The following CDON variants were observed in gnomAD, a reference collection of about 807,000 sequenced individuals.
CDON encodes cell adhesion associated, oncogene regulated.
In CDON, 73 loss-of-function variants were observed where a neutral mutation model predicts 120.9. That is an observed-to-expected ratio of 0.60 (90% CI 0.50 to 0.73). The LOEUF (loss-of-function observed/expected upper bound fraction) is 0.73. Among genes scored for constraint, CDON ranks in the 30% least tolerant of loss-of-function variants. The probability of loss-of-function intolerance (pLI) is 0.00; values close to 1 mark genes in which losing one functional copy is unlikely to be tolerated. For synonymous variants in CDON, 566 were observed against 573.5 expected (o/e 0.99, Z 0.19); for missense variants, 1,470 against 1,587.3 (o/e 0.93, Z 1.26).
intron 8 of CDON, among the ~76,000 whole-genome samples, chr11:126,010,012 G>A (rs1048882044): frequency 3.3e-5 from 5 of 151,980 alleles, no homozygotes; most frequent in African/African-American, 9.7e-5. Flanking sequence ...AGTTATCAAG[G>A]GCATAAAAAA....
At chr11:125,971,484 G>T (rs1204193548) in intron 18 of CDON, among the ~76,000 whole-genome samples, 1 of 152,100 alleles carries the variant, frequency 6.6e-6, no homozygotes, top group Non-Finnish European at 1.5e-5. Context: ...TCCACGGAGG[G>T]TTTCAAGTTG....
chr11:125,962,687 T>C (rs1215342437), intron 18 of CDON, among the ~76,000 whole-genome samples: 4 of 152,368 alleles, frequency 2.6e-5, no homozygotes, highest in African/African-American at 7.2e-5. Flanking sequence ...CAATTTCTAC[T>C]GATCTATCTT....
chr11:126,046,026 T>C (rs755135355), intron 1 of CDON, among the ~76,000 whole-genome samples: 62 of 152,118 alleles, frequency 4.1e-4, no homozygotes, highest in Non-Finnish European at 8.5e-4. Flanking sequence ...CTAGCCCCTT[T>C]TTAGCAAAAT....
In CDON at chr11:125,989,709, C is replaced by G. The variant is rs765534786; in HGVS notation, c.2701G>C (p.Asp901His). The G allele has an allele frequency of 1.2e-6, 2 of 1,612,674 alleles. No individual in the cohort carries two copies. The highest frequency in any genetic ancestry group is 2.2e-5 in the South Asian group (2 of 91,020). ...IGHLQPETSY[D>H]IKMQCFNEGG... is the part of the protein sequence containing the mutation. ...TCATTGAAGCATTGCATTTTAATGT[C>G]ATAGGAGGTTTCTGGCTGCAGGTGG... is the stretch of plus-strand genomic sequence containing the variant. The change falls in exon 15 of 20, where the codon GAC (aspartate) becomes CAC (histidine). Residue 901 changes from aspartate to histidine, a missense_variant. Coordinates refer to ENST00000531738, the MANE Select transcript of CDON (RefSeq NM_001378964.1).
At chr11:126,000,273 T>C (rs1448841173) in intron 11 of CDON, among the ~76,000 whole-genome samples, 1 of 152,180 alleles carries the variant, frequency 6.6e-6, no homozygotes, top group African/African-American at 2.4e-5. Context: ...AGTGGAACAA[T>C]CATAGCTCAC....
At chr11:126,062,907 G>C (rs977102652), upstream of CDON, 6 of 151,782 alleles carry the variant, frequency 4.0e-5, no homozygotes, top group Admixed American at 3.3e-4. Flanking sequence ...CCCCGCCGGG[G>C]AGCGCGGGCA....
At chr11:125,961,667 A>G in intron 19 of CDON, 57 bp downstream of exon 19, 1 of 1,611,572 alleles carries the variant, frequency 6.2e-7, no homozygotes, top group Non-Finnish European at 8.5e-7. Flanking sequence ...TCCCATACAC[A>G]GCTCTTAGCT....
chr11:126,013,362 G>A (rs986516613), intron 7 of CDON, among the ~76,000 whole-genome samples: 1 of 152,096 alleles, frequency 6.6e-6, no homozygotes, highest in Non-Finnish European at 1.5e-5. Flanking sequence ...CCTCTTCTCT[G>A]GAACACTTTG....
At chr11:126,054,672 C>T (rs1356076928) in intron 1 of CDON, among the ~76,000 whole-genome samples, 1 of 152,154 alleles carries the variant, frequency 6.6e-6, no homozygotes, top group Non-Finnish European at 1.5e-5. Context: ...GAATATTGGG[C>T]CCCACCCCAG....
intron 1 of CDON, among the ~76,000 whole-genome samples, chr11:126,048,231 C>T (rs941387664): frequency 1.3e-5 from 2 of 149,228 alleles, no homozygotes; most frequent in Admixed American, 6.7e-5. Context: ...TGCAGTGAGC[C>T]GACATCGCAC....
At chr11:126,010,920 T>C (rs1455500586) in intron 7 of CDON, 1 of 596,028 alleles carries the variant, frequency 1.7e-6, no homozygotes, top group East Asian at 3.6e-5. Context: ...TTTCCTGTCC[T>C]TCAGAAAGAA....
At chr11:126,018,512 A>C (rs1947536910) in intron 4 of CDON, 39 bp from the exon 5 acceptor site, 1 of 1,564,272 alleles carries the variant, frequency 6.4e-7, no homozygotes, top group African/African-American at 1.4e-5. Flanking sequence ...CTCTCCCTTT[A>C]TGAAGGACAC....
intron 1 of CDON, among the ~76,000 whole-genome samples, chr11:126,057,902 G>A (rs748645769): frequency 7.2e-5 from 11 of 152,174 alleles, no homozygotes; most frequent in Non-Finnish European, 1.5e-4. Context: ...TATGCCAAGT[G>A]CTTGACTTTC....
intron 1 of CDON, among the ~76,000 whole-genome samples, chr11:126,030,718 T>A (rs190360316): frequency 2.8e-4 from 43 of 152,328 alleles, no homozygotes; most frequent in African/African-American, 7.9e-4. Context: ...AAATTCTTCA[T>A]TAAGTACTAT....
At position 126,003,036 on chromosome 11, in the gene CDON, T is replaced by C. The variant is rs368578624; in HGVS notation, c.2026+866A>G. ...TCTCTGCTCCGATGTCGACCGCTCA[T>C]TGAGGACTTTTCTGGCCACCTGCTT... is the stretch of plus-strand genomic sequence containing the variant. On this transcript the variant is annotated intron_variant, in intron 10 of 19. Coordinates refer to ENST00000531738, the MANE Select transcript of CDON (RefSeq NM_001378964.1). 5.3e-5 allele frequency among the ~76,000 whole-genome samples: 8 copies of C among 152,272 alleles called. No homozygotes were observed. The East Asian group carries it at 1.2e-3, about 22-fold the overall frequency.
chr11:126,033,374 A>T (rs1565543654), intron 1 of CDON, among the ~76,000 whole-genome samples: 3 of 152,170 alleles, frequency 2.0e-5, no homozygotes, highest in African/African-American at 7.2e-5. Flanking sequence ...TTTGGGTCGC[A>T]GATGACACTC....
intron 18 of CDON, among the ~76,000 whole-genome samples, chr11:125,968,281 CTTCTGT>C (rs894788973): frequency 7.9e-5 from 12 of 152,158 alleles, no homozygotes; most frequent in African/African-American, 2.9e-4. Flanking sequence ...CTTCTGCTTC[CTTCTGT>C]TTAATTTCTT....
At chr11:125,965,067 T>C (rs554156367) in intron 18 of CDON, among the ~76,000 whole-genome samples, 4 of 152,160 alleles carry the variant, frequency 2.6e-5, no homozygotes, top group East Asian at 3.9e-4. Context: ...ACTGGGATTA[T>C]AGGTGCATGC....
intron 3 of CDON, among the ~76,000 whole-genome samples, chr11:126,020,332 C>T (rs1947596743): frequency 1.3e-5 from 2 of 152,146 alleles, no homozygotes; most frequent in South Asian, 4.1e-4. Context: ...TGGAATGAAC[C>T]TAGGACATCA....
Sources: gnomAD v4.1 joint callset for allele counts (sites outside exome capture counted in the v4.1 genomes callset) on GRCh38, gnomAD v4.1.1 for gene constraint, MANE v1.5 for transcripts, NCBI Gene and HGNC (gene_info 2026-07-23, HGNC 2026-07-21) for gene names.